Variants in JAKMIP3 observed in about 807,000 individuals in gnomAD.
JAKMIP3 encodes the protein janus kinase and microtubule-interacting protein 3.
Under a neutral mutation model 118.5 loss-of-function variants are expected in JAKMIP3, and 58 were observed. The observed-to-expected ratio is 0.49, with a 90% confidence interval of 0.40 to 0.61. JAKMIP3 has a LOEUF of 0.61. Among genes scored for constraint, JAKMIP3 ranks in the 20% least tolerant of loss-of-function variants. The probability of loss-of-function intolerance (pLI) is 0.00; values close to 1 mark genes in which losing one functional copy is unlikely to be tolerated. For missense variants in JAKMIP3, 950 were observed against 1,109.0 expected, an observed-to-expected ratio of 0.86 and a Z score of 2.04; for synonymous variants, 486 against 451.2, an observed-to-expected ratio of 1.08 and a Z score of -0.98.
At position 132,068,332 on chromosome 10, in the gene JAKMIP3, TGTGGCTGGATG is replaced by T. The variant is rs1162834808; in HGVS notation, c.-138+2276_-138+2286del. Reference sequence around the variant, plus strand: ...GAGTTTCCAGACAGGCAAGCTAGGATGTGGCTGGATGGTGGTGTTAATTTTCCATTTGGACC... The same window carrying T: ...GAGTTTCCAGACAGGCAAGCTAGGATGTGGTGTTAATTTTCCATTTGGACC... On this transcript the variant is annotated intron_variant, in intron 1 of 23. Transcript: ENST00000684848. Among the ~76,000 whole-genome samples, 3 of 152,232 alleles carry T rather than the reference TGTGGCTGGATG, an allele frequency of 2.0e-5. No individual in the cohort carries two copies. The East Asian group carries it at 5.8e-4, about 29-fold the overall frequency.
chr10:132,119,172 G>A (rs1289528227), intron 3 of JAKMIP3, among the ~76,000 whole-genome samples: 1 of 149,840 alleles, frequency 6.7e-6, no homozygotes, highest in Non-Finnish European at 1.5e-5. Context: ...ATCCTCGCCA[G>A]ATCTCTCCCC....
chr10:132,180,566 T>TGTGCGTGC lies in JAKMIP3; in HGVS notation c.*1104-1790_*1104-1789insTGCGTGCG, dbSNP rs2060763890. ...GTGTGCGTGCGTGCATGCGTGTGTG[T>TGTGCGTGC]GCGTGTGTGTGTGCGTGCGCGTGTG... On this transcript the variant is annotated intron_variant, in intron 23 of 23. Coordinates refer to ENST00000684848, the MANE Select transcript of JAKMIP3 (RefSeq NM_001323087.2). Among the ~76,000 whole-genome samples the TGTGCGTGC allele has an allele frequency of 1.9e-4, 6 of 31,716 alleles. 2 individuals carry two copies. The highest frequency in any genetic ancestry group is 5.6e-5 in the Non-Finnish European group (1 of 17,882). The allele number at this position is 31,716 out of a possible 152,430, so 20.8% of individuals were successfully genotyped here. A position where few individuals can be genotyped will look rare whatever the true frequency, so the allele number is the denominator to read the frequency against.
rs185473349 is a variant in JAKMIP3 at position 132,167,132 on chromosome 10, G to A, written c.*22+77G>A. 5.0e-4 allele frequency: 506 copies of A among 1,017,006 alleles called. 7 individuals carry two copies. In the East Asian group the frequency reaches 7.8e-3, roughly 16 times the overall value. The allele number at this position is 1,017,006 out of a possible 1,614,324, so 63.0% of individuals were successfully genotyped here. A position where few individuals can be genotyped will look rare whatever the true frequency, so the allele number is the denominator to read the frequency against. ...AGACTCCTCTGCCCCTGCCCTGCCA[G>A]GGAGTTGCCCACCTGCCATTCGATC... On this transcript the variant is annotated intron_variant, in intron 22 of 23. Coordinates refer to ENST00000684848, the MANE Select transcript of JAKMIP3 (RefSeq NM_001323087.2).
At chr10:132,096,042 G>A (rs562742934) in intron 1 of JAKMIP3, among the ~76,000 whole-genome samples, 3 of 152,288 alleles carry the variant, frequency 2.0e-5, no homozygotes, top group African/African-American at 7.2e-5. Context: ...TCTTGGGGGG[G>A]TCTTCCTCTG....
At chr10:132,080,060 AT>A (rs2041517451) in intron 1 of JAKMIP3, among the ~76,000 whole-genome samples, 1 of 152,302 alleles carries the variant, frequency 6.6e-6, no homozygotes, top group East Asian at 1.9e-4. Flanking sequence ...CACACCTGTA[AT>A]CCCAGCTACT....
chr10:132,148,049 A>AG lies in JAKMIP3; in HGVS notation c.1848+1dup. ...CTGGAGTTCAGGATCCTGGAGCTTG[A>AG]GGTAGCTGAGTGGATGGCCAGCACT... On this transcript the variant is annotated frameshift_variant and splice_region_variant, in exon 14 of 24. Coordinates refer to ENST00000684848, the MANE Select transcript of JAKMIP3 (RefSeq NM_001323087.2). LOFTEE classifies it high-confidence loss of function. 1 of 1,602,286 alleles carries AG rather than the reference A, an allele frequency of 6.2e-7. No homozygotes were observed. Among genetic ancestry groups the AG allele is most frequent in the Non-Finnish European group, 8.5e-7 (1 of 1,173,294 alleles).
chr10:132,051,138 C>G (rs2038091549), intron 1 of JAKMIP3, among the ~76,000 whole-genome samples: 1 of 137,940 alleles, frequency 7.2e-6, no homozygotes, highest in African/African-American at 2.8e-5. Flanking sequence ...ACCTGCCTGT[C>G]TTTCCTGGCA....
chr10:132,136,372 C>T (rs1021311317), intron 6 of JAKMIP3, among the ~76,000 whole-genome samples: 2 of 152,200 alleles, frequency 1.3e-5, no homozygotes, highest in East Asian at 1.9e-4. Context: ...GCCTCCAACT[C>T]GGAAAATCCC....
Position 132,133,518 on chromosome 10 carries a change from G to A in JAKMIP3, c.840G>A (p.Ser280=), listed in dbSNP as rs766327711. 1.9e-4 allele frequency: 297 copies of A among 1,563,562 alleles called. No individual in the cohort carries two copies. Among genetic ancestry groups the A allele is most frequent in the Non-Finnish European group, 1.5e-4 (177 of 1,155,290 alleles). ...AAGAGDASDH[S]GSPEQQLDEK... The stretch of plus-strand genomic sequence containing the variant: ...GTGCAGGAGACGCTTCAGACCACTC[G>A]GGAAGCCCTGTAAGCACCTCCCAGG... The change falls in exon 4 of 24, where the codon TCG becomes TCA. Residue 280 remains serine, a synonymous_variant. Coordinates refer to ENST00000684848, the MANE Select transcript of JAKMIP3 (RefSeq NM_001323087.2).
At chr10:132,096,579 A>G (rs924358061) in intron 1 of JAKMIP3, among the ~76,000 whole-genome samples, 1 of 152,300 alleles carries the variant, frequency 6.6e-6, no homozygotes, top group East Asian at 1.9e-4. Flanking sequence ...TGGTAAATAC[A>G]GGTGCAAGAT....
In JAKMIP3 at chr10:132,104,945, TG is replaced by T; in HGVS notation, c.135+5del. On this transcript the variant is annotated splice_donor_region_variant and intron_variant, in intron 2 of 23. Coordinates refer to ENST00000684848, the MANE Select transcript of JAKMIP3 (RefSeq NM_001323087.2). The stretch of plus-strand genomic sequence containing the variant: ...GAGCTGCAGCAGGAGAAGAGCAAGG[TG>T]GGCGCTCCCCAGACCTCCACCCTTG... 6.3e-7 allele frequency: 1 copy of T among 1,587,758 alleles called. No individual in the cohort carries two copies. The highest frequency in any genetic ancestry group is 8.6e-7 in the Non-Finnish European group (1 of 1,167,334).
At chr10:132,064,250 G>A (rs115216083), upstream of JAKMIP3, among the ~76,000 whole-genome samples, 249 of 152,294 alleles carry the variant, frequency 1.6e-3, 2 homozygotes, top group African/African-American at 5.8e-3. The surrounding 1 kb of genome is among the most constrained non-coding windows in gnomAD (Gnocchi z 4.4). Context: ...CGCCTGGCAC[G>A]GGGTAGGTGC....
At chr10:132,140,146 G>C (rs201403261) in intron 9 of JAKMIP3, among the ~76,000 whole-genome samples, 1 of 152,224 alleles carries the variant, frequency 6.6e-6, no homozygotes, top group Non-Finnish European at 1.5e-5. Context: ...GTTAACCCGG[G>C]TACCACCCTC....
intron 1 of JAKMIP3, among the ~76,000 whole-genome samples, chr10:132,042,874 G>A (rs2037803400): frequency 6.6e-6 from 1 of 151,402 alleles, no homozygotes; most frequent in East Asian, 1.9e-4. Flanking sequence ...TGGATTGCTT[G>A]AATCTAAGAG....
chr10:132,046,755 C>G (rs1409220934), intron 1 of JAKMIP3, among the ~76,000 whole-genome samples: 1 of 152,174 alleles, frequency 6.6e-6, no homozygotes, highest in African/African-American at 2.4e-5. Flanking sequence ...AAGGTTTTCT[C>G]AACCTAAGAG....
rs540383083 is a variant in JAKMIP3, at chr10:132,164,611, G to A, written c.2425-59G>A. ...CAAGGAAATGAATGAAAATCTTGAA[G>A]GATTTGGGTTTCCCGAGTACTGTGA... On this transcript the variant is annotated intron_variant, in intron 20 of 23. Transcript: ENST00000684848. The A allele has an allele frequency of 4.5e-6, 5 of 1,110,080 alleles. No individual in the cohort carries two copies. In the South Asian group the frequency reaches 5.1e-5, roughly 11 times the overall value. The allele number at this position is 1,110,080 out of a possible 1,614,324, so 68.8% of individuals were successfully genotyped here.
intron 1 of JAKMIP3, among the ~76,000 whole-genome samples, chr10:132,093,049 G>A (rs1031160394): frequency 2.6e-5 from 4 of 152,206 alleles, no homozygotes; most frequent in African/African-American, 9.7e-5. Flanking sequence ...GACCCTGTTT[G>A]CCTGGGTGTC....
chr10:132,036,796 G>A (rs1251929277), intron 1 of JAKMIP3, among the ~76,000 whole-genome samples: 1 of 151,540 alleles, frequency 6.6e-6, no homozygotes, highest in Non-Finnish European at 1.5e-5. Flanking sequence ...GCTGCGTCTG[G>A]CACGGTGCGT....
chr10:132,108,390 A>C (rs909201389), intron 2 of JAKMIP3, among the ~76,000 whole-genome samples: 1 of 152,022 alleles, frequency 6.6e-6, no homozygotes, highest in East Asian at 1.9e-4. Context: ...GATTTCCAAC[A>C]TTAAAGGAGT....
Sources: allele counts gnomAD v4.1 joint callset (sites outside exome capture counted in the v4.1 genomes callset), GRCh38; gene constraint gnomAD v4.1.1; non-coding constraint Gnocchi (gnomAD v3.1); transcripts MANE v1.5; gene names NCBI Gene and HGNC (gene_info 2026-07-23, HGNC 2026-07-21).